Variants in CREB5 observed in about 807,000 individuals in gnomAD.
CREB5 encodes the protein cAMP responsive element binding protein 5, also known as cyclic AMP-responsive element-binding protein 5.
Under a neutral mutation model 57.1 loss-of-function variants are expected in CREB5, and 19 were observed. That is an observed-to-expected ratio of 0.33 (90% CI 0.23 to 0.49). The LOEUF is 0.49. CREB5 is among the 20% of genes least tolerant of loss of function. CREB5 has a pLI of 0.99. For synonymous variants in CREB5, 238 were observed against 238.3 expected (o/e 1.00, Z 0.01); for missense variants, 579 against 671.6 (o/e 0.86, Z 1.52).
intron 3 of CREB5, among the ~76,000 whole-genome samples, chr7:28,503,841 C>T (rs1429584544): frequency 2.6e-5 from 4 of 152,122 alleles, no homozygotes; most frequent in African/African-American, 9.7e-5. Context: ...ATGAAAGCTC[C>T]GGGGCCAGGG....
At chr7:28,368,292 C>T (rs990158857) in intron 1 of CREB5, among the ~76,000 whole-genome samples, 33 of 151,984 alleles carry the variant, frequency 2.2e-4, no homozygotes, top group Non-Finnish European at 4.4e-5. Context: ...GTACAGTATT[C>T]GGGTGACAAG....
intron 7 of CREB5, among the ~76,000 whole-genome samples, chr7:28,778,782 A>C (rs1806806170): frequency 6.6e-6 from 1 of 152,220 alleles, no homozygotes; most frequent in South Asian, 2.1e-4. Flanking sequence ...AATGAAAAAG[A>C]AAGCCAACAA....
chr7:28,566,258 C>A (rs553169460), intron 4 of CREB5, among the ~76,000 whole-genome samples: 13 of 152,300 alleles, frequency 8.5e-5, no homozygotes, highest in African/African-American at 3.1e-4. Flanking sequence ...TCAAGTAAAA[C>A]CTGATTCTCC....
chr7:28,639,572 C>G (rs575485119), intron 5 of CREB5, among the ~76,000 whole-genome samples: 1 of 152,298 alleles, frequency 6.6e-6, no homozygotes, highest in East Asian at 1.9e-4. Flanking sequence ...AGACCTCCAT[C>G]ATTTCTTGGT....
intron 5 of CREB5, among the ~76,000 whole-genome samples, chr7:28,631,560 G>C (rs1798204239): frequency 6.6e-6 from 1 of 152,078 alleles, no homozygotes; most frequent in Non-Finnish European, 1.5e-5. Flanking sequence ...TTTTTCGGAG[G>C]GGGCGGCAGA....
intron 5 of CREB5, among the ~76,000 whole-genome samples, chr7:28,572,257 T>A (rs1267984336): frequency 6.6e-6 from 1 of 152,244 alleles, no homozygotes; most frequent in East Asian, 1.9e-4. Flanking sequence ...AAACAGAACA[T>A]TAACCTGGCC....
chr7:28,595,104 A>G (rs1796650958), intron 5 of CREB5, among the ~76,000 whole-genome samples: 1 of 152,176 alleles, frequency 6.6e-6, no homozygotes, highest in African/African-American at 2.4e-5. Context: ...ATAGTAATAC[A>G]AGACCTTCAC....
intron 1 of CREB5, among the ~76,000 whole-genome samples, chr7:28,311,157 A>G (rs995623116): frequency 6.6e-6 from 1 of 151,186 alleles, no homozygotes; most frequent in African/African-American, 2.4e-5. Flanking sequence ...AAAAAAAAGA[A>G]TAAATATTTT....
At position 28,520,615 on chromosome 7, in the gene CREB5, C is replaced by T. The variant is rs563122712; in HGVS notation, c.291+12878C>T. Among the ~76,000 whole-genome samples the T allele has an allele frequency of 4.7e-4, 71 of 152,340 alleles. 1 individual carries two copies. The Middle Eastern group carries it at 0.02, about 44-fold the overall frequency. On this transcript the variant is annotated intron_variant, in intron 4 of 10. Coordinates refer to ENST00000357727, the MANE Select transcript of CREB5 (RefSeq NM_182898.4). ...CTGTTCATATTTCAGCAATGCCGAG[C>T]TCTGTGGCACAGAGAGAGGGGATAA...
chr7:28,554,344 G>A (rs1408588274), intron 4 of CREB5, among the ~76,000 whole-genome samples: 1 of 152,180 alleles, frequency 6.6e-6, no homozygotes, highest in Non-Finnish European at 1.5e-5. Flanking sequence ...AGTTCTGGGT[G>A]CAGGTACTGA....
chr7:28,497,870 C>T (rs1161890006), intron 3 of CREB5, among the ~76,000 whole-genome samples: 1 of 152,078 alleles, frequency 6.6e-6, no homozygotes, highest in Non-Finnish European at 1.5e-5. Context: ...GCATATATGA[C>T]AAGATTTTAC....
rs1786119222 is a variant in CREB5 at position 28,348,437 on chromosome 7, CA to C, written c.-25+48997del. Among the ~76,000 whole-genome samples, 4 of 138,770 alleles carry C rather than the reference CA, an allele frequency of 2.9e-5. No homozygotes were observed. In the South Asian group the frequency reaches 7.0e-4, roughly 24 times the overall value. The allele number at this position is 138,770 out of a possible 152,430, so 91.0% of individuals were successfully genotyped here. On this transcript the variant is annotated intron_variant, in intron 1 of 9. Transcript: ENST00000396299. ...ACACACACACACACACACACACACA[CA>C]CACACAGACACCTTGCATGGTAGTG...
chr7:28,595,060 G>A (rs1234701849), intron 5 of CREB5, among the ~76,000 whole-genome samples: 1 of 152,110 alleles, frequency 6.6e-6, no homozygotes, highest in Non-Finnish European at 1.5e-5. Flanking sequence ...AGCCCCCACA[G>A]TGCAATGTCT....
intron 1 of CREB5, among the ~76,000 whole-genome samples, chr7:28,406,056 A>C (rs375718711): frequency 6.6e-6 from 1 of 152,174 alleles, no homozygotes; most frequent in Non-Finnish European, 1.5e-5. Flanking sequence ...GCTGGGAAGA[A>C]AGAGACCATT....
rs572536302 is a variant in CREB5, at chr7:28,697,839, T to A, written c.465-20914T>A. ...GTATGAGCAGGTGGACACGTGTGGA[T>A]GTTTATTTATGTCATTGTGTCTGCT... is the stretch of plus-strand genomic sequence containing the variant. On this transcript the variant is annotated intron_variant, in intron 5 of 10. Transcript: ENST00000357727. Among the ~76,000 whole-genome samples, 8 of 152,302 alleles carry A rather than the reference T, an allele frequency of 5.3e-5. No homozygotes were observed. The East Asian group carries it at 1.4e-3, about 26-fold the overall frequency.
At chr7:28,538,660 T>C (rs1335388538) in intron 4 of CREB5, among the ~76,000 whole-genome samples, 2 of 152,214 alleles carry the variant, frequency 1.3e-5, no homozygotes, top group Admixed American at 1.3e-4. Context: ...CCCTTCTTTT[T>C]GTAACTTCTT....
intron 5 of CREB5, among the ~76,000 whole-genome samples, chr7:28,626,836 G>A (rs532657729): frequency 3.3e-5 from 5 of 152,214 alleles, no homozygotes; most frequent in East Asian, 1.9e-4. Flanking sequence ...GGAGCCTACC[G>A]GGGGCCCTTC....
At position 28,339,296 on chromosome 7, in the gene CREB5, A is replaced by G. The variant is rs113519428; in HGVS notation, c.-25+39855A>G. On this transcript the variant is annotated intron_variant, in intron 1 of 9. Transcript: ENST00000396299. ...CTTTCCAGGTATTCAAAGGGACCTGAGTGTTGTGATCTAAGTTTTTAGTCA... is the reference window on the plus strand; with the variant it reads ...CTTTCCAGGTATTCAAAGGGACCTGGGTGTTGTGATCTAAGTTTTTAGTCA... 6.3e-3 allele frequency among the ~76,000 whole-genome samples: 965 copies of G among 152,218 alleles called. 5 individuals carry two copies. Among genetic ancestry groups the G allele is most frequent in the African/African-American group, 0.022 (910 of 41,518 alleles).
At chr7:28,634,974 C>T (rs1043254154) in intron 5 of CREB5, among the ~76,000 whole-genome samples, 4 of 152,188 alleles carry the variant, frequency 2.6e-5, no homozygotes, top group African/African-American at 9.7e-5. Context: ...ATTTATTATT[C>T]TCATATTACA....
Sources: gnomAD v4.1 joint callset for allele counts (sites outside exome capture counted in the v4.1 genomes callset) on GRCh38, gnomAD v4.1.1 for gene constraint, MANE v1.5 for transcripts, NCBI Gene and HGNC (gene_info 2026-07-23, HGNC 2026-07-21) for gene names.